WDR6: variants seen among roughly 807,000 people sequenced by gnomAD.
WDR6 encodes the protein tRNA (34-2'-O)-methyltransferase regulator WDR6.
A neutral mutation model predicts 85.6 loss-of-function variants in WDR6; 58 were observed. The observed-to-expected ratio is 0.68, with a 90% CI of 0.55 to 0.84. WDR6 has a LOEUF of 0.84. Ranked by LOEUF, WDR6 falls within the 40% of genes least tolerant of loss-of-function variation. The probability of loss-of-function intolerance (pLI) is 0.00; values close to 1 mark genes in which losing one functional copy is unlikely to be tolerated. For synonymous variants in WDR6, 569 were observed against 582.2 expected, an observed-to-expected ratio of 0.98 and a Z score of 0.33; for missense variants, 1,310 against 1,476.4, an observed-to-expected ratio of 0.89 and a Z score of 1.85.
chr3:49,012,114 G>A lies in WDR6; in HGVS notation c.580G>A (p.Ala194Thr), dbSNP rs1436366456. ...LLVWYPATALADNKPVAPDRR... is the reference protein window; with the variant it reads ...LLVWYPATALTDNKPVAPDRR... The stretch of plus-strand genomic sequence containing the variant: ...GGTCTGGTACCCAGCAACTGCCTTA[G>A]CAGACAACAAACCTGTAGCACCTGA... Residue 194 changes from alanine (A) to threonine (T), a missense_variant, in exon 2 of 6, where the codon GCA becomes ACA. Ala to Thr is a moderately conservative substitution (Grantham distance 58). Coordinates refer to ENST00000608424, the MANE Select transcript of WDR6 (RefSeq NM_018031.6). The surrounding 1 kb of genome is among the most constrained non-coding windows in gnomAD (Gnocchi z 4.4). The A allele has an allele frequency of 6.2e-7, 1 of 1,614,104 alleles. No individual in the cohort carries two copies. Among genetic ancestry groups the A allele is most frequent in the South Asian group, 1.1e-5 (1 of 91,086 alleles).
chr3:49,011,887 G>A lies in WDR6; in HGVS notation c.353G>A (p.Trp118Ter), dbSNP rs1292950428. The A allele has an allele frequency of 2.5e-6, 4 of 1,614,236 alleles. No homozygotes were observed. In the South Asian group the frequency reaches 4.4e-5, roughly 18 times the overall value. Residue 118 changes from tryptophan (W) to a stop codon, truncating the protein, a stop_gained, in exon 2 of 6, where the codon TGG becomes TAG. Coordinates refer to ENST00000608424, the MANE Select transcript of WDR6 (RefSeq NM_018031.6). LOFTEE classifies it high-confidence loss of function. ...WRSGLWNMSDWIWDARWLEGN... is the reference protein window; with the variant it reads ...WRSGLWNMSD ...TCTGGCCTGTGGAACATGTCTGACT[G>A]GATTTGGGATGCACGCTGGCTTGAG...
Position 49,013,541 on chromosome 3 carries a change from G to A in WDR6, c.2007G>A (p.Met669Ile). 1.9e-6 allele frequency: 3 copies of A among 1,614,042 alleles called. No individual in the cohort carries two copies. The highest frequency in any genetic ancestry group is 2.5e-6 in the Non-Finnish European group (3 of 1,180,028). The change falls in exon 2 of 6, where the codon ATG becomes ATA. Residue 669 changes from methionine to isoleucine, a missense_variant. By Grantham distance (10) the Met-to-Ile change is conservative. Transcript: ENST00000608424. The surrounding 1 kb of genome is among the most constrained non-coding windows in gnomAD (Gnocchi z 4.6). ...SWAFSDTEAAMAFAYLKDGDV... is the reference protein window; with the variant it reads ...SWAFSDTEAAIAFAYLKDGDV... ...CATTCTCTGATACTGAGGCGGCCAT[G>A]GCCTTTGCTTACCTCAAGGATGGGG...
rs1165299686 is a variant in WDR6, at chr3:49,015,880, C to T, written c.*592C>T. On this transcript the variant is annotated 3_prime_UTR_variant, in exon 6 of 6. Transcript: ENST00000608424. ...TACCAGGAACTTGCATATCTAGAGACAGAGACTGAGTCACTGGCCCATCTC... is the reference window on the plus strand; with the variant it reads ...TACCAGGAACTTGCATATCTAGAGATAGAGACTGAGTCACTGGCCCATCTC... 6.8e-6 allele frequency: 11 copies of T among 1,614,186 alleles called. No homozygotes were observed. Among genetic ancestry groups the T allele is most frequent in the Non-Finnish European group, 9.3e-6 (11 of 1,180,032 alleles).
rs759544037 is a variant in WDR6 at position 49,013,985 on chromosome 3, G to C, written c.2451G>C (p.Met817Ile). 6.2e-7 allele frequency: 1 copy of C among 1,611,716 alleles called. No homozygotes were observed. The highest frequency in any genetic ancestry group is 8.5e-7 in the Non-Finnish European group (1 of 1,179,974). Residue 817 changes from methionine to isoleucine, a missense_variant, in exon 2 of 6, where the codon ATG becomes ATC. Physicochemically the swap from Met to Ile is conservative, Grantham distance 10. Coordinates refer to ENST00000608424, the MANE Select transcript of WDR6 (RefSeq NM_018031.6). This position sits in a 1 kb window ranked among gnomAD's most constrained non-coding sequence, Gnocchi z 4.6. Reference protein sequence around the residue: ...GRAEMHCFSIMVTPDPSTPSR... With the variant: ...GRAEMHCFSIIVTPDPSTPSR... ...CTGAGATGCACTGCTTCAGCATCAT[G>C]GTTACTCCGGACCCCAGCACCCCAA...
chr3:49,012,220 A>C lies in WDR6; in HGVS notation c.686A>C (p.Glu229Ala). The C allele has an allele frequency of 6.2e-7, 1 of 1,614,254 alleles. No homozygotes were observed. Reference protein sequence around the residue: ...ESKGLLATASEDRSVRIWKVG... With the variant: ...ESKGLLATASADRSVRIWKVG... ...AAGGGATTGCTGGCTACAGCTTCAG[A>C]AGACCGAAGCGTTCGTATCTGGAAG... Residue 229 changes from glutamate to alanine, a missense_variant, in exon 2 of 6, where the codon GAA becomes GCA. Physicochemically the swap from Glu to Ala is moderately radical, Grantham distance 107. Transcript: ENST00000608424. The surrounding 1 kb of genome is among the most constrained non-coding windows in gnomAD (Gnocchi z 4.4).
intron 1 of WDR6, chr3:49,011,250 A>G (rs911996617): frequency 7.6e-6 from 3 of 393,620 alleles, no homozygotes; most frequent in Non-Finnish European, 1.4e-5. Context: ...ACACCTGGCT[A>G]ATTTTTTAGT....
In WDR6 at chr3:49,015,044, C is replaced by T; in HGVS notation, c.3122C>T (p.Pro1041Leu). The T allele has an allele frequency of 3.1e-6, 5 of 1,614,196 alleles. No individual in the cohort carries two copies. Among genetic ancestry groups the T allele is most frequent in the Non-Finnish European group, 4.2e-6 (5 of 1,180,046 alleles). ...QLRVLEEYSV[P>L]CAHAAHVTGL... ...CGTGTGCTAGAGGAATACTCTGTCC[C>T]CTGTGCACATGCTGCCCATGTGACA... is the stretch of plus-strand genomic sequence containing the variant. The change falls in exon 6 of 6, where the codon CCC becomes CTC. Residue 1041 changes from proline (P) to leucine (L), a missense_variant. By Grantham distance (98) the Pro-to-Leu change is moderately conservative. Transcript: ENST00000608424.
At position 49,014,733 on chromosome 3, in the gene WDR6, T is replaced by C. The variant is rs776061687; in HGVS notation, c.2902+15T>C. 1.2e-6 allele frequency: 2 copies of C among 1,612,944 alleles called. No homozygotes were observed. The highest frequency in any genetic ancestry group is 1.7e-6 in the Non-Finnish European group (2 of 1,179,588). The stretch of plus-strand genomic sequence containing the variant: ...GCTTCCCTACCGTGAGTAGCTAATG[T>C]GCAACCATGGCTACCCCTCCTCACC... On this transcript the variant is annotated intron_variant, in intron 5 of 5. Transcript: ENST00000608424. The surrounding 1 kb of genome is among the most constrained non-coding windows in gnomAD (Gnocchi z 4.9).
chr3:49,009,296 C>T (rs978513628), intron 1 of WDR6, among the ~76,000 whole-genome samples: 6 of 123,938 alleles, frequency 4.8e-5, no homozygotes, highest in Non-Finnish European at 1.0e-4. Flanking sequence ...GCTGCAAACC[C>T]TCCCATTGCT....
In WDR6 at chr3:49,014,971, C is replaced by G. The variant is rs771036190; in HGVS notation, c.3049C>G (p.Leu1017Val). The change falls in exon 6 of 6, where the codon CTA becomes GTA. Residue 1017 changes from leucine (L) to valine (V), a missense_variant. Leu to Val is a conservative substitution (Grantham distance 32). Transcript: ENST00000608424. This position sits in a 1 kb window ranked among gnomAD's most constrained non-coding sequence, Gnocchi z 4.9. ...TGTCTTCGTGCTTGCTGTGGAGATG[C>G]TACAGCTAGAAGAGGCTGTGGGAGA... ...LHVFVLAVEMLQLEEAVGEAG... is the reference protein window; with the variant it reads ...LHVFVLAVEMVQLEEAVGEAG... 3.7e-6 allele frequency: 6 copies of G among 1,614,174 alleles called. No individual in the cohort carries two copies. The highest frequency in any genetic ancestry group is 1.7e-5 in the Admixed American group (1 of 60,022).
In WDR6 at chr3:49,013,076, T is replaced by A. The variant is rs2093026978; in HGVS notation, c.1542T>A (p.Ser514=). ...TGGTGTGTGGTGACCGCCGGGGCTC[T>A]GTGCTGCTATTCCCCTCCAGACCAG... The part of the protein sequence containing the change: ...DFLVCGDRRG[S]VLLFPSRPGL... Residue 514 remains serine (S), a synonymous_variant, in exon 2 of 6, where the codon TCT becomes TCA. Coordinates refer to ENST00000608424, the MANE Select transcript of WDR6 (RefSeq NM_018031.6). This position sits in a 1 kb window ranked among gnomAD's most constrained non-coding sequence, Gnocchi z 4.6. 6.2e-7 allele frequency: 1 copy of A among 1,610,986 alleles called. No individual in the cohort carries two copies. Among genetic ancestry groups the A allele is most frequent in the African/African-American group, 1.3e-5 (1 of 74,856 alleles).
At position 49,015,162 on chromosome 3, in the gene WDR6, C is replaced by G. The variant is rs936693971; in HGVS notation, c.3240C>G (p.Phe1080Leu). The change falls in exon 6 of 6, where the codon TTC becomes TTG. Residue 1080 changes from phenylalanine to leucine, a missense_variant. Phe to Leu is a conservative substitution (Grantham distance 22). Transcript: ENST00000608424. ...GTCTGGGGCATGGTGAACCCACCTT[C>G]ATGAATAGCACTGTGTTCCATGTGC... ...FWRLGHGEPT[F>L]MNSTVFHVPD... The G allele has an allele frequency of 6.2e-7, 1 of 1,613,940 alleles. No homozygotes were observed. The highest frequency in any genetic ancestry group is 8.5e-7 in the Non-Finnish European group (1 of 1,180,040).
chr3:49,008,240 C>G (rs1464731056), intron 1 of WDR6: 1 of 152,322 alleles, frequency 6.6e-6, no homozygotes, highest in Non-Finnish European at 1.5e-5. Flanking sequence ...AAAGGACAGG[C>G]GAGGCCTGGG....
chr3:49,011,410 T>A, intron 1 of WDR6: 1 of 1,421,418 alleles, frequency 7.0e-7, no homozygotes, highest in Non-Finnish European at 9.4e-7. Flanking sequence ...TTTTTTTTTC[T>A]TTTGAGACAG....
In WDR6 at chr3:49,007,575, A is replaced by C. The variant is rs567876905; in HGVS notation, c.100+44A>C. On this transcript the variant is annotated intron_variant, in intron 1 of 5. Transcript: ENST00000608424. The surrounding 1 kb of genome is among the most constrained non-coding windows in gnomAD (Gnocchi z 5.1). ...CACGCCTGGTGGAAAGGGGGAAAGA[A>C]ACAGCGCCTCCCAGGGGCGGTGCCA... The C allele has an allele frequency of 6.4e-7, 1 of 1,552,246 alleles. No individual in the cohort carries two copies. Among genetic ancestry groups the C allele is most frequent in the East Asian group, 2.3e-5 (1 of 43,344 alleles).
At position 49,011,848 on chromosome 3, in the gene WDR6, G is replaced by A; in HGVS notation, c.314G>A (p.Trp105Ter). Residue 105 changes from tryptophan (W) to a stop codon, truncating the protein, a stop_gained, in exon 2 of 6, where the codon TGG (tryptophan) becomes TAG (stop). Coordinates refer to ENST00000608424, the MANE Select transcript of WDR6 (RefSeq NM_018031.6). LOFTEE classifies it high-confidence loss of function. ...VKISWGQGHF[W>*]ELWRSGLWNM... ...ATTAGCTGGGGACAGGGCCACTTCT[G>A]GGAGCTTTGGCGCTCTGGCCTGTGG... is the stretch of plus-strand genomic sequence containing the variant. 6.2e-7 allele frequency: 1 copy of A among 1,614,250 alleles called. No homozygotes were observed. Among genetic ancestry groups the A allele is most frequent in the Non-Finnish European group, 8.5e-7 (1 of 1,180,046 alleles).
rs752315994 is a variant in WDR6 at position 49,013,366 on chromosome 3, G to A, written c.1832G>A (p.Arg611Gln). 20 of 1,614,176 alleles carry A rather than the reference G, an allele frequency of 1.2e-5. No homozygotes were observed. The highest frequency in any genetic ancestry group is 8.8e-5 in the South Asian group (8 of 91,084). ...CCAGTCCTAAGGCAGAAGTCCTGTCGAGGCATGAACTGGCTAGCTGGGCTC... is the reference window on the plus strand; with the variant it reads ...CCAGTCCTAAGGCAGAAGTCCTGTCAAGGCATGAACTGGCTAGCTGGGCTC... ...LQPVLRQKSC[R>Q]GMNWLAGLRI... Residue 611 changes from arginine (R) to glutamine (Q), a missense_variant, in exon 2 of 6, where the codon CGA (arginine) becomes CAA (glutamine). Transcript: ENST00000608424. The surrounding 1 kb of genome is among the most constrained non-coding windows in gnomAD (Gnocchi z 4.6).
chr3:49,011,976 A>C lies in WDR6; in HGVS notation c.442A>C (p.Ile148Leu), dbSNP rs2093018104. Residue 148 changes from isoleucine (I) to leucine (L), a missense_variant, in exon 2 of 6, where the codon ATC becomes CTC. Ile to Leu is a conservative substitution (Grantham distance 5). Coordinates refer to ENST00000608424, the MANE Select transcript of WDR6 (RefSeq NM_018031.6). ...VVLYDPVVGC[I>L]LQEVPCTDRC... is the part of the protein sequence containing the mutation. ...GCTATATGACCCTGTAGTAGGGTGC[A>C]TCCTGCAAGAGGTGCCCTGCACAGA... 1 of 1,614,058 alleles carries C rather than the reference A, an allele frequency of 6.2e-7. No individual in the cohort carries two copies. Among genetic ancestry groups the C allele is most frequent in the Non-Finnish European group, 8.5e-7 (1 of 1,180,028 alleles).
intron 1 of WDR6, chr3:49,011,423 TCTGGC>T (rs1461135097): frequency 2.8e-6 from 4 of 1,452,314 alleles, no homozygotes; most frequent in Admixed American, 4.5e-5. Context: ...TGAGACAGAG[TCTGGC>T]TTTGGCTTTC....
Sources: allele counts gnomAD v4.1 joint callset (sites outside exome capture counted in the v4.1 genomes callset), GRCh38; gene constraint gnomAD v4.1.1; non-coding constraint Gnocchi (gnomAD v3.1); transcripts MANE v1.5; gene names NCBI Gene and HGNC (gene_info 2026-07-23, HGNC 2026-07-21).